TMEM132C: variants seen among roughly 807,000 people sequenced by gnomAD.
TMEM132C encodes the protein protein phosphatase 1, regulatory subunit 152.
A neutral mutation model predicts 61.4 loss-of-function variants in TMEM132C; 29 were observed. That is an observed-to-expected ratio of 0.47 (90% CI 0.35 to 0.64). The LOEUF is 0.64. Among genes scored for constraint, TMEM132C ranks in the 30% least tolerant of loss-of-function variants. The pLI is 0.00. For missense variants in TMEM132C, 1,408 were observed against 1,476.9 expected (o/e 0.95, Z 0.76); for synonymous variants, 656 against 633.1 (o/e 1.04, Z -0.54).
intron 3 of TMEM132C, among the ~76,000 whole-genome samples, chr12:128,583,848 C>T (rs1402297553): frequency 4.6e-5 from 7 of 152,212 alleles, no homozygotes; most frequent in East Asian, 1.9e-4. Flanking sequence ...CGTCTTCATC[C>T]GTGGTTTCAC....
intron 3 of TMEM132C, among the ~76,000 whole-genome samples, chr12:128,610,054 T>C (rs1191501063): frequency 6.6e-6 from 1 of 152,256 alleles, no homozygotes; most frequent in Admixed American, 6.5e-5. Context: ...CTCAGCACCA[T>C]GGAGAGATCC....
intron 3 of TMEM132C, among the ~76,000 whole-genome samples, chr12:128,562,265 CG>C (rs1170703365): frequency 6.6e-6 from 1 of 152,058 alleles, no homozygotes; most frequent in African/African-American, 2.4e-5. Context: ...TTTTTAAAAG[CG>C]GTACGAAAAG....
chr12:128,411,127 T>C (rs994957557), intron 1 of TMEM132C, among the ~76,000 whole-genome samples: 5 of 152,208 alleles, frequency 3.3e-5, no homozygotes, highest in African/African-American at 1.2e-4. Flanking sequence ...GTTGGCTGCA[T>C]TCCTGGTGAT....
intron 3 of TMEM132C, among the ~76,000 whole-genome samples, chr12:128,557,938 CTT>C (rs2136160901): frequency 6.6e-6 from 1 of 152,364 alleles, no homozygotes; most frequent in Admixed American, 6.5e-5. Flanking sequence ...AACGTGGCCT[CTT>C]GAGCCAGCCC....
At chr12:128,558,380 C>T (rs1874401269) in intron 3 of TMEM132C, among the ~76,000 whole-genome samples, 1 of 152,170 alleles carries the variant, frequency 6.6e-6, no homozygotes, top group Admixed American at 6.6e-5. Flanking sequence ...ATGCTGTTCT[C>T]ATGATAGTGA....
rs1481463866 is a variant in TMEM132C at position 128,414,842 on chromosome 12, GA to G, written c.198del (p.Ala67ProfsTer46). 6.5e-7 allele frequency: 1 copy of G among 1,549,000 alleles called. No homozygotes were observed. Among genetic ancestry groups the G allele is most frequent in the South Asian group, 1.2e-5 (1 of 84,058 alleles). On this transcript the variant is annotated frameshift_variant, in exon 2 of 9. Coordinates refer to ENST00000435159, the MANE Select transcript of TMEM132C (RefSeq NM_001136103.3). LOFTEE classifies it high-confidence loss of function. ...LRAETSFFLK[E>X]ANQDLLRNSS... The stretch of plus-strand genomic sequence containing the variant: ...AGCAGAGACCTCCTTCTTCCTCAAG[GA>G]AGCCAACCAGGACCTGCTGCGGAAC...
intron 1 of TMEM132C, among the ~76,000 whole-genome samples, chr12:128,304,375 G>GGGATACCTGA (rs71069553): frequency 0.54 from 82,429 of 151,378 alleles, 22,898 homozygotes; most frequent in Middle Eastern, 0.64. Context: ...CCAGCATTTT[G>GGGATACCTGA]GGTGGGTAGA....
chr12:128,543,613 T>C (rs1873840563), intron 2 of TMEM132C, among the ~76,000 whole-genome samples: 2 of 152,072 alleles, frequency 1.3e-5, no homozygotes, highest in Admixed American at 1.3e-4. Flanking sequence ...GCCAAATGTC[T>C]CTGGCAGGGC....
intron 1 of TMEM132C, among the ~76,000 whole-genome samples, chr12:128,378,110 T>G (rs1009994154): frequency 2.3e-5 from 1 of 44,272 alleles, no homozygotes; most frequent in African/African-American, 4.9e-5. Flanking sequence ...AATAGAGCAG[T>G]TTTTTTTTGT....
intron 3 of TMEM132C, among the ~76,000 whole-genome samples, chr12:128,611,457 A>C (rs369682895): frequency 2.6e-5 from 4 of 152,326 alleles, no homozygotes; most frequent in South Asian, 4.1e-4. Context: ...TCATTGCAAC[A>C]GGAATATGTC....
chr12:128,577,688 C>T (rs1875166435), intron 3 of TMEM132C, among the ~76,000 whole-genome samples: 1 of 152,246 alleles, frequency 6.6e-6, no homozygotes, highest in Admixed American at 6.5e-5. Context: ...CCTGAAGTGG[C>T]TATTGATCTT....
chr12:128,409,378 A>G (rs997559424), intron 1 of TMEM132C, among the ~76,000 whole-genome samples: 3 of 152,044 alleles, frequency 2.0e-5, no homozygotes, highest in African/African-American at 7.2e-5. Context: ...TAAATCAGGA[A>G]TCTCAAACTC....
At position 128,344,453 on chromosome 12, in the gene TMEM132C, G is replaced by A. The variant is rs900495038; in HGVS notation, c.86-70279G>A. ...GATTACAGGTGTGAGCCACCGTGCC[G>A]GCAGTATATGTTTTTATGTCTTTTG... On this transcript the variant is annotated intron_variant, in intron 1 of 8. Transcript: ENST00000435159. Among the ~76,000 whole-genome samples, 14 of 152,116 alleles carry A rather than the reference G, an allele frequency of 9.2e-5. No individual in the cohort carries two copies. In the East Asian group the frequency reaches 1.4e-3, roughly 15 times the overall value.
chr12:128,364,445 A>G (rs1873802877), intron 1 of TMEM132C, among the ~76,000 whole-genome samples: 1 of 152,124 alleles, frequency 6.6e-6, no homozygotes, highest in Non-Finnish European at 1.5e-5. Flanking sequence ...CACACAGGGC[A>G]CATGGATGGG....
intron 4 of TMEM132C, among the ~76,000 whole-genome samples, chr12:128,626,572 G>A (rs769581445): frequency 1.2e-3 from 179 of 151,534 alleles, no homozygotes; most frequent in Non-Finnish European, 1.7e-3. Context: ...AGCCTCCTGC[G>A]TAGCTGAGAT....
At chr12:128,524,050 G>T (rs541378050) in intron 2 of TMEM132C, among the ~76,000 whole-genome samples, 2 of 150,108 alleles carry the variant, frequency 1.3e-5, no homozygotes, top group Admixed American at 6.6e-5. Flanking sequence ...TTGAGTCGTG[G>T]TGCATTTCTG....
intron 4 of TMEM132C, among the ~76,000 whole-genome samples, chr12:128,625,710 C>T (rs1954009095): frequency 2.0e-5 from 3 of 152,216 alleles, no homozygotes; most frequent in African/African-American, 2.4e-5. Flanking sequence ...TCTCCCACAA[C>T]ATGTACCAAT....
chr12:128,427,123 G>C (rs750097481), intron 2 of TMEM132C, among the ~76,000 whole-genome samples: 1 of 152,100 alleles, frequency 6.6e-6, no homozygotes, highest in African/African-American at 2.4e-5. Flanking sequence ...GTTTGTGGTC[G>C]TGTCGTTGCT....
intron 2 of TMEM132C, among the ~76,000 whole-genome samples, chr12:128,463,315 T>C (rs1870603935): frequency 6.6e-6 from 1 of 152,052 alleles, no homozygotes; most frequent in South Asian, 2.1e-4. Flanking sequence ...AAACTCATGC[T>C]TCTCTTTTCT....
Sources: allele counts gnomAD v4.1 joint callset (sites outside exome capture counted in the v4.1 genomes callset), GRCh38; gene constraint gnomAD v4.1.1; transcripts MANE v1.5; gene names NCBI Gene and HGNC (gene_info 2026-07-23, HGNC 2026-07-21).